Variants in ZBTB20 observed in about 807,000 individuals in gnomAD.
The protein encoded by ZBTB20 is zinc finger and BTB domain-containing protein 20.
In ZBTB20, 9 loss-of-function variants were observed where a neutral mutation model predicts 56.9. That is an observed-to-expected ratio of 0.16 (90% CI 0.10 to 0.28). The LOEUF (loss-of-function observed/expected upper bound fraction) is 0.28, where lower values mean the gene tolerates loss of function less well. Among genes scored for constraint, ZBTB20 ranks in the 10% least tolerant of loss-of-function variants. The pLI, the probability that ZBTB20 is intolerant of heterozygous loss-of-function variation, is 1.00. For missense variants in ZBTB20, 655 were observed against 1,003.0 expected, an observed-to-expected ratio of 0.65 and a Z score of 4.69; for synonymous variants, 417 against 420.7, an observed-to-expected ratio of 0.99 and a Z score of 0.11.
intron 4 of ZBTB20, among the ~76,000 whole-genome samples, chr3:114,854,294 A>G (rs2075140326): frequency 6.6e-6 from 1 of 152,210 alleles, no homozygotes; most frequent in Non-Finnish European, 1.5e-5. Context: ...TAATCCAAAT[A>G]AAATATTACA....
chr3:115,110,511 ATTACT>A (rs1241383214), intron 1 of ZBTB20, among the ~76,000 whole-genome samples: 1 of 152,360 alleles, frequency 6.6e-6, no homozygotes, highest in African/African-American at 2.4e-5. Flanking sequence ...AATACAAAAA[ATTACT>A]TTACAGTATA....
intron 2 of ZBTB20, among the ~76,000 whole-genome samples, chr3:115,014,754 T>C (rs1284722262): frequency 6.6e-6 from 1 of 151,770 alleles, no homozygotes; most frequent in African/African-American, 2.4e-5. Context: ...TATCAAAGCA[T>C]CTATGATTAT....
chr3:114,789,933 C>T (rs758064957), intron 5 of ZBTB20, among the ~76,000 whole-genome samples: 1 of 152,070 alleles, frequency 6.6e-6, no homozygotes, highest in Non-Finnish European at 1.5e-5. Context: ...ATAAGTGAAA[C>T]ATGATGTAAT....
chr3:114,870,055 A>C (rs751263580), intron 4 of ZBTB20, among the ~76,000 whole-genome samples: 1 of 152,156 alleles, frequency 6.6e-6, no homozygotes, highest in East Asian at 1.9e-4. Context: ...CGTCATTGGC[A>C]ATAGGTCAGT....
At chr3:114,748,169 A>G (rs1227472051) in intron 5 of ZBTB20, among the ~76,000 whole-genome samples, 1 of 152,122 alleles carries the variant, frequency 6.6e-6, no homozygotes, top group Non-Finnish European at 1.5e-5. Context: ...TGCCCAGGAA[A>G]AGTGCTCATG....
At chr3:114,977,189 T>C (rs1215388187) in intron 2 of ZBTB20, among the ~76,000 whole-genome samples, 2 of 152,314 alleles carry the variant, frequency 1.3e-5, no homozygotes, top group African/African-American at 4.8e-5. Flanking sequence ...TGAAGGGACA[T>C]TGCTACACAG....
In ZBTB20 at chr3:114,321,205, A is replaced by G. The variant is rs2078881989; in HGVS notation, c.*17800T>C. The G allele has an allele frequency of 6.6e-6, 1 of 152,252 alleles. No individual in the cohort carries two copies. The highest frequency in any genetic ancestry group is 2.1e-4 in the South Asian group (1 of 4,834). 9.4% of individuals were successfully genotyped at this position (152,252 alleles called of 1,614,324 possible). A position where few individuals can be genotyped will look rare whatever the true frequency, so the allele number is the denominator to read the frequency against. ...TGACTTTTCTAGTAACATATAATAT[A>G]TGAGATGAAATATAATTCTGTTAGA... On this transcript the variant is annotated 3_prime_UTR_variant, in exon 12 of 12. Transcript: ENST00000675478.
At chr3:114,947,367 C>G (rs886388368) in intron 3 of ZBTB20, among the ~76,000 whole-genome samples, 3 of 146,218 alleles carry the variant, frequency 2.1e-5, no homozygotes, top group Admixed American at 6.6e-5. Flanking sequence ...ATATGTTTAT[C>G]ACAGCTCTAG....
intron 4 of ZBTB20, among the ~76,000 whole-genome samples, chr3:114,867,382 T>C (rs2075809459): frequency 6.6e-6 from 1 of 152,160 alleles, no homozygotes; most frequent in South Asian, 2.1e-4. Flanking sequence ...CTTTGAAAAG[T>C]AACAGGTTAC....
chr3:114,322,911 G>T lies in ZBTB20; in HGVS notation c.*16094C>A, dbSNP rs976745236. ...ATCTTAGGGAAGGGGCCTCAATTGA[G>T]AATTTTCCAAATTGATGCCCCATAT... is the stretch of plus-strand genomic sequence containing the variant. On this transcript the variant is annotated 3_prime_UTR_variant, in exon 12 of 12. Coordinates refer to ENST00000675478, the MANE Select transcript of ZBTB20 (RefSeq NM_001348800.3). 10 of 152,192 alleles carry T rather than the reference G, an allele frequency of 6.6e-5. No homozygotes were observed. Among genetic ancestry groups the T allele is most frequent in the African/African-American group, 2.4e-4 (10 of 41,462 alleles). 9.4% of individuals were successfully genotyped at this position (152,192 alleles called of 1,614,324 possible).
intron 6 of ZBTB20, among the ~76,000 whole-genome samples, chr3:114,558,442 C>T (rs989876118): frequency 5.3e-5 from 8 of 152,006 alleles, no homozygotes; most frequent in East Asian, 3.9e-4. Context: ...AACACTTTTA[C>T]GCCCCTAAAT....
At chr3:114,803,660 C>T (rs1578939986) in intron 4 of ZBTB20, among the ~76,000 whole-genome samples, 1 of 151,834 alleles carries the variant, frequency 6.6e-6, no homozygotes, top group Middle Eastern at 3.4e-3. Flanking sequence ...GGTAGAATTG[C>T]TTAAAAGACT....
At chr3:115,054,681 A>G (rs2081688444) in intron 2 of ZBTB20, among the ~76,000 whole-genome samples, 1 of 152,180 alleles carries the variant, frequency 6.6e-6, no homozygotes, top group South Asian at 2.1e-4. Flanking sequence ...CTTAGATAAT[A>G]CAAAATCAAC....
intron 3 of ZBTB20, among the ~76,000 whole-genome samples, chr3:114,959,114 A>G (rs2077351587): frequency 6.6e-6 from 1 of 152,284 alleles, no homozygotes; most frequent in Admixed American, 6.5e-5. Context: ...GTGATTTCTC[A>G]CTTCCCCTAA....
At chr3:114,802,315 CTAT>C (rs2071775682) in intron 4 of ZBTB20, among the ~76,000 whole-genome samples, 1 of 151,762 alleles carries the variant, frequency 6.6e-6, no homozygotes, top group African/African-American at 2.4e-5. Context: ...TTAAATTGTA[CTAT>C]TATTAGAAAG....
At position 114,728,841 on chromosome 3, in the gene ZBTB20, G is replaced by A. The variant is rs78860070; in HGVS notation, c.-342-35266C>T. 2.6e-3 allele frequency among the ~76,000 whole-genome samples: 403 copies of A among 152,284 alleles called. 10 individuals carry two copies. The South Asian group carries it at 0.038, about 14-fold the overall frequency. On this transcript the variant is annotated intron_variant, in intron 5 of 11. Transcript: ENST00000675478. ...CTCAATTTCTCTAATGATCAGTGATGTTGAGCTTTTTCTCTTAGGTTTGTT... is the reference window on the plus strand; with the variant it reads ...CTCAATTTCTCTAATGATCAGTGATATTGAGCTTTTTCTCTTAGGTTTGTT...
At chr3:114,865,774 T>C (rs923927759) in intron 4 of ZBTB20, among the ~76,000 whole-genome samples, 1 of 152,194 alleles carries the variant, frequency 6.6e-6, no homozygotes, top group African/African-American at 2.4e-5. Flanking sequence ...ATCTTGTGTC[T>C]TAAATTATAT....
rs541663503 is a variant in ZBTB20 at position 115,091,738 on chromosome 3, G to A, written c.-702-20324C>T. On this transcript the variant is annotated intron_variant, in intron 1 of 11. Transcript: ENST00000675478. Reference sequence around the variant, plus strand: ...CATACATATATATATATATATACACGAGAATGTTATAAACCAGCTAGACAT... The same window carrying A: ...CATACATATATATATATATATACACAAGAATGTTATAAACCAGCTAGACAT... Among the ~76,000 whole-genome samples the A allele has an allele frequency of 1.8e-4, 27 of 148,244 alleles. No homozygotes were observed. The East Asian group carries it at 4.9e-3, about 27-fold the overall frequency.
chr3:114,859,340 CT>C (rs1362678821), intron 4 of ZBTB20, among the ~76,000 whole-genome samples: 223 of 142,280 alleles, frequency 1.6e-3, no homozygotes, highest in African/African-American at 5.6e-3. Flanking sequence ...TTCTTCTTTC[CT>C]TTTTCCTCTC....
Sources: allele counts gnomAD v4.1 joint callset (sites outside exome capture counted in the v4.1 genomes callset), GRCh38; gene constraint gnomAD v4.1.1; transcripts MANE v1.5; gene names NCBI Gene and HGNC (gene_info 2026-07-23, HGNC 2026-07-21).